Variants in LRRK2 observed in about 807,000 individuals in gnomAD.
The protein encoded by LRRK2 is leucine rich repeat kinase 2.
In LRRK2, 203 loss-of-function variants were observed where a neutral mutation model predicts 302.6. The observed-to-expected ratio is 0.67, with a 90% CI of 0.60 to 0.75. The LOEUF is 0.75. Among genes scored for constraint, LRRK2 ranks in the 30% least tolerant of loss-of-function variants. The pLI is 0.00. For synonymous variants in LRRK2, 1,066 were observed against 1,031.9 expected (o/e 1.03, Z -0.63); for missense variants, 2,830 against 2,951.0 (o/e 0.96, Z 0.95).
chr12:40,307,776 C>CTT (rs1312043205), intron 28 of LRRK2, among the ~76,000 whole-genome samples: 1 of 85,836 alleles, frequency 1.2e-5, no homozygotes, highest in African/African-American at 4.0e-5. Flanking sequence ...CTTTTCTTTT[C>CTT]TTTTCTTTTT....
intron 1 of LRRK2, 109 bp downstream of exon 1, chr12:40,225,391 T>C: frequency 7.2e-7 from 1 of 1,392,096 alleles, no homozygotes; most frequent in Non-Finnish European, 1.0e-6. Flanking sequence ...CCCGGACTCT[T>C]AAGGAGCCGC....
At chr12:40,283,748 C>T (rs912613534) in intron 18 of LRRK2, 127 bp from the exon 19 acceptor site, 4 of 766,604 alleles carry the variant, frequency 5.2e-6, no homozygotes, top group Non-Finnish European at 8.3e-6. Context: ...TCAGTTTTGC[C>T]TTATTTTATT....
intron 3 of LRRK2, 51 bp downstream of exon 3, chr12:40,232,434 A>G: frequency 7.9e-7 from 1 of 1,264,530 alleles, no homozygotes; most frequent in Non-Finnish European, 1.2e-6. Context: ...TTATTTGTAC[A>G]CATGACAACC....
Position 40,322,040 on chromosome 12 carries a change from G to A in LRRK2, c.5176G>A (p.Ala1726Thr). Residue 1726 changes from alanine (A) to threonine (T), a missense_variant, in exon 36 of 51, where the codon GCA becomes ACA. Transcript: ENST00000298910. ...SPYMLSGRER[A>T]LRPNRMYWRQ... Reference sequence around the variant, plus strand: ...TTAATGGCTCCATTTTTTAGAACGAGCACTTCGCCCAAACAGAATGTATTG... The same window carrying A: ...TTAATGGCTCCATTTTTTAGAACGAACACTTCGCCCAAACAGAATGTATTG... 6.2e-7 allele frequency: 1 copy of A among 1,613,100 alleles called. No homozygotes were observed. Among genetic ancestry groups the A allele is most frequent in the Non-Finnish European group, 8.5e-7 (1 of 1,179,386 alleles).
At chr12:40,261,607 C>T (rs1009890357) in intron 13 of LRRK2, among the ~76,000 whole-genome samples, 11 of 152,096 alleles carry the variant, frequency 7.2e-5, no homozygotes, top group Admixed American at 5.2e-4. Context: ...CTGTACCCAA[C>T]GTAATGTACC....
intron 20 of LRRK2, among the ~76,000 whole-genome samples, chr12:40,287,775 A>T (rs939961284): frequency 6.6e-6 from 1 of 151,840 alleles, no homozygotes; most frequent in Non-Finnish European, 1.5e-5. Context: ...CAGGAAACAA[A>T]CTCTGACTAG....
chr12:40,275,698 CT>C (rs1943423309), intron 16 of LRRK2, among the ~76,000 whole-genome samples: 2 of 151,670 alleles, frequency 1.3e-5, no homozygotes, highest in African/African-American at 2.4e-5. Context: ...ACAACAGCTG[CT>C]TCCCGAGCTC....
At chr12:40,331,680 C>T (rs1348508131) in intron 39 of LRRK2, among the ~76,000 whole-genome samples, 2 of 152,126 alleles carry the variant, frequency 1.3e-5, no homozygotes, top group Non-Finnish European at 2.9e-5. Context: ...CCACATGCGA[C>T]CTGTGGGCCA....
intron 14 of LRRK2, among the ~76,000 whole-genome samples, chr12:40,270,072 T>G (rs1269227471): frequency 6.6e-6 from 1 of 152,144 alleles, no homozygotes; most frequent in Non-Finnish European, 1.5e-5. Flanking sequence ...GATTTTTCAC[T>G]TAGAGTTGTT....
intron 35 of LRRK2, 108 bp downstream of exon 35, chr12:40,321,296 C>T (rs1039832041): frequency 9.1e-7 from 1 of 1,100,896 alleles, no homozygotes; most frequent in Non-Finnish European, 1.3e-6. Flanking sequence ...ATGCCATTTT[C>T]TCAGAGTTTA....
At chr12:40,261,203 A>T (rs956529651) in intron 13 of LRRK2, among the ~76,000 whole-genome samples, 2 of 152,162 alleles carry the variant, frequency 1.3e-5, no homozygotes, top group Admixed American at 1.3e-4. Flanking sequence ...TTAGATTGTA[A>T]TTAAAAACAA....
In LRRK2 at chr12:40,225,108, G is replaced by A; in HGVS notation, c.-24G>A. The A allele has an allele frequency of 1.2e-6, 2 of 1,613,034 alleles. No individual in the cohort carries two copies. The highest frequency in any genetic ancestry group is 1.7e-6 in the Non-Finnish European group (2 of 1,179,952). ...CAGCGGACGTTCATGCTGGGAGGGC[G>A]GCGGGTTGGAAGCAGGTGCCACCAT... On this transcript the variant is annotated 5_prime_UTR_variant, in exon 1 of 51. Transcript: ENST00000298910.
At chr12:40,358,568 AC>A (rs1946612259) in intron 46 of LRRK2, among the ~76,000 whole-genome samples, 1 of 151,920 alleles carries the variant, frequency 6.6e-6, no homozygotes, top group Non-Finnish European at 1.5e-5. Flanking sequence ...TGGGTCCTCT[AC>A]ATTGGTCTAC....
chr12:40,225,282 G>A lies in LRRK2; in HGVS notation c.151G>A (p.Ala51Thr). 2 of 1,613,992 alleles carry A rather than the reference G, an allele frequency of 1.2e-6. No homozygotes were observed. The highest frequency in any genetic ancestry group is 1.7e-6 in the Non-Finnish European group (2 of 1,179,936). Residue 51 changes from alanine to threonine, a missense_variant and splice_region_variant, in exon 1 of 51, where the codon GCC (alanine) becomes ACC (threonine). This residue lies in a region of LRRK2 where 2,121 missense variants were observed against 2,148.0 expected (regional missense o/e 0.99). Coordinates refer to ENST00000298910, the MANE Select transcript of LRRK2 (RefSeq NM_198578.4). ...DLLVFTYSER[A>T]SKLFQGKNIH... is the part of the protein sequence containing the mutation. ...GCTGGTGTTCACGTACTCCGAGCGC[G>A]GTAATCACTTGAAAATAAACTGTGC...
At chr12:40,231,928 C>T (rs549408860) in intron 2 of LRRK2, among the ~76,000 whole-genome samples, 6 of 151,676 alleles carry the variant, frequency 4.0e-5, no homozygotes, top group South Asian at 4.2e-4. Context: ...CTCAGCCTCC[C>T]GAGTAGCTGA....
chr12:40,328,369 GT>G lies in LRRK2; in HGVS notation c.5670del (p.Phe1890LeufsTer16). 6.2e-7 allele frequency: 1 copy of G among 1,613,684 alleles called. No individual in the cohort carries two copies. The highest frequency in any genetic ancestry group is 8.5e-7 in the Non-Finnish European group (1 of 1,179,722). ...ATTTTCTTTTCAAAAGGTGATGGCA[GT>G]TTTGGATCAGTTTACCGAGCAGCCT... is the stretch of plus-strand genomic sequence containing the variant. ...QAPEFLLGDGSFGSVYRAAYE... is the reference protein window; with the variant it reads ...QAPEFLLGDGXFGSVYRAAYE... On this transcript the variant is annotated frameshift_variant, in exon 39 of 51. Transcript: ENST00000298910. LOFTEE classifies it high-confidence loss of function.
rs142095251 is a variant in LRRK2, at chr12:40,310,498, G to T, written c.4385G>T (p.Arg1462Leu). 11 of 1,612,640 alleles carry T rather than the reference G, an allele frequency of 6.8e-6. No individual in the cohort carries two copies. The highest frequency in any genetic ancestry group is 9.3e-6 in the Non-Finnish European group (11 of 1,179,722). ...THLDVSDEKQ[R>L]KACMSKITKE... is the part of the protein sequence containing the mutation. ...TTGGATGTTTCTGATGAGAAGCAAC[G>T]CAAAGCCTGCATGAGTAAAATCACC... The change falls in exon 31 of 51, where the codon CGC becomes CTC. Residue 1462 changes from arginine (R) to leucine (L), a missense_variant. Physicochemically the swap from Arg to Leu is moderately radical, Grantham distance 102. Coordinates refer to ENST00000298910, the MANE Select transcript of LRRK2 (RefSeq NM_198578.4).
At chr12:40,342,503 C>T (rs1323650405) in intron 41 of LRRK2, among the ~76,000 whole-genome samples, 1 of 139,500 alleles carries the variant, frequency 7.2e-6, no homozygotes, top group Non-Finnish European at 1.5e-5. Context: ...CTGGCTGTAA[C>T]CTAGATTTTC....
chr12:40,332,393 T>C (rs561472950), intron 39 of LRRK2, among the ~76,000 whole-genome samples: 10 of 152,304 alleles, frequency 6.6e-5, no homozygotes, highest in African/African-American at 2.2e-4. Context: ...GAGTCTTTAT[T>C]GACATTAGGA....
Sources: gnomAD v4.1 joint callset for allele counts (sites outside exome capture counted in the v4.1 genomes callset) on GRCh38, gnomAD v4.1.1 for gene constraint, gnomAD v4.1.1 regional missense constraint, MANE v1.5 for transcripts, NCBI Gene and HGNC (gene_info 2026-07-23, HGNC 2026-07-21) for gene names.